Variants in RAB27A observed in about 807,000 individuals in gnomAD.
RAB27A encodes RAB27A, member RAS oncogene family.
A neutral mutation model predicts 20.8 loss-of-function variants in RAB27A; 17 were observed. The ratio of observed to expected loss-of-function variants is 0.82; its 90% confidence interval spans 0.56 to 1.23. The LOEUF is 1.23. RAB27A is among the 50% of genes most tolerant of loss of function. The pLI, the probability that RAB27A is intolerant of heterozygous loss-of-function variation, is 0.00. For missense variants in RAB27A, 277 were observed against 266.7 expected (o/e 1.04, Z -0.27); for synonymous variants, 85 against 92.8 (o/e 0.92, Z 0.48).
At chr15:55,255,753 T>C (rs1206018407) in intron 2 of RAB27A, among the ~76,000 whole-genome samples, 1 of 152,180 alleles carries the variant, frequency 6.6e-6, no homozygotes, top group African/African-American at 2.4e-5. Flanking sequence ...AACTGCTCCC[T>C]TCAAGAAGTT....
chr15:55,267,657 G>A (rs1178139579), intron 2 of RAB27A, among the ~76,000 whole-genome samples: 1 of 152,170 alleles, frequency 6.6e-6, no homozygotes, highest in Admixed American at 6.5e-5. Context: ...CTGAGCTCTG[G>A]CTCTAAATCA....
intron 2 of RAB27A, among the ~76,000 whole-genome samples, chr15:55,258,471 G>A (rs112684004): frequency 0.014 from 2,153 of 152,272 alleles, 59 homozygotes; most frequent in African/African-American, 0.05. Context: ...CCACCCTGAG[G>A]GACAAAGGGT....
rs370476267 is a variant in RAB27A at position 55,265,586 on chromosome 15, A to G, written c.-23+4579T>C. On this transcript the variant is annotated intron_variant, in intron 2 of 6. Coordinates refer to ENST00000336787, the MANE Select transcript of RAB27A (RefSeq NM_183235.3). ...ATAATTCTTGATGCCAATCCAAAACATGTAACTGAGTTTTGATGGAATTTG... is the reference window on the plus strand; with the variant it reads ...ATAATTCTTGATGCCAATCCAAAACGTGTAACTGAGTTTTGATGGAATTTG... 3.3e-5 allele frequency among the ~76,000 whole-genome samples: 5 copies of G among 152,008 alleles called. No individual in the cohort carries two copies. In the South Asian group the frequency reaches 1.0e-3, roughly 32 times the overall value.
chr15:55,261,144 A>AT (rs1897253847), intron 2 of RAB27A, among the ~76,000 whole-genome samples: 2 of 152,138 alleles, frequency 1.3e-5, no homozygotes, highest in South Asian at 4.1e-4. Context: ...GTGGCCTGTA[A>AT]TCCCAGCACT....
At chr15:55,270,764 G>A (rs774118385) in intron 1 of RAB27A, 1 of 152,202 alleles carries the variant, frequency 6.6e-6, no homozygotes, top group Non-Finnish European at 1.5e-5. Context: ...ACCAGACCTT[G>A]CAGCTGGCCT....
At chr15:55,220,547 A>C (rs548333251) in intron 6 of RAB27A, among the ~76,000 whole-genome samples, 139 of 152,336 alleles carry the variant, frequency 9.1e-4, no homozygotes, top group African/African-American at 3.2e-3. Flanking sequence ...CTGGCATTGC[A>C]GGTATGAGCC....
rs182849552 is a variant in RAB27A at position 55,205,613 on chromosome 15, C to T, written c.560G>A (p.Arg187Gln). The part of the protein sequence containing the change: ...LLDLIMKRME[R>Q]CVDKSWIPEG... ...AGGAATCCAGGACTTGTCCACACACCGTTCCATTCGCTTCATTATCAGGTC... is the reference window on the plus strand; with the variant it reads ...AGGAATCCAGGACTTGTCCACACACTGTTCCATTCGCTTCATTATCAGGTC... The change falls in exon 7 of 7, where the codon CGG (arginine) becomes CAG (glutamine). Residue 187 changes from arginine (R) to glutamine (Q), a missense_variant. Coordinates refer to ENST00000336787, the MANE Select transcript of RAB27A (RefSeq NM_183235.3). The T allele has an allele frequency of 1.6e-4, 263 of 1,614,146 alleles. 1 individual carries two copies. The East Asian group carries it at 3.1e-3, about 19-fold the overall frequency.
intron 2 of RAB27A, chr15:55,259,885 A>C (rs1897212706): frequency 6.6e-6 from 1 of 152,182 alleles, no homozygotes; most frequent in Admixed American, 6.5e-5. Flanking sequence ...TATGACCCTA[A>C]AATATAACTT....
At chr15:55,253,229 C>T (rs1896959245) in intron 2 of RAB27A, among the ~76,000 whole-genome samples, 1 of 151,624 alleles carries the variant, frequency 6.6e-6, no homozygotes. Flanking sequence ...TGACAGATCA[C>T]CTGAGGTCAG....
Position 55,268,567 on chromosome 15 carries a change from T to C in RAB27A, c.-23+1598A>G, listed in dbSNP as rs1897591265. Among the ~76,000 whole-genome samples the C allele has an allele frequency of 2.0e-5, 3 of 152,138 alleles. No homozygotes were observed. In the South Asian group the frequency reaches 6.2e-4, roughly 32 times the overall value. On this transcript the variant is annotated intron_variant, in intron 2 of 6. Transcript: ENST00000336787. The stretch of plus-strand genomic sequence containing the variant: ...TTGTGCTCCCAGGGACACACAAGTG[T>C]GAGAGTGGCTACAACTCAATGGAAG...
chr15:55,244,186 T>G (rs1595710012), intron 2 of RAB27A, among the ~76,000 whole-genome samples: 1 of 151,868 alleles, frequency 6.6e-6, no homozygotes, highest in Admixed American at 6.6e-5. Flanking sequence ...TGGTGATGGG[T>G]GCCTGTAATC....
chr15:55,208,679 C>A (rs1034295895), intron 6 of RAB27A, among the ~76,000 whole-genome samples: 5 of 151,842 alleles, frequency 3.3e-5, no homozygotes, highest in Non-Finnish European at 7.4e-5. Context: ...GACTTTCCCT[C>A]GTGTCTCATT....
chr15:55,305,951 G>A (rs2054994888), intron 2 of RAB27A, among the ~76,000 whole-genome samples: 1 of 152,166 alleles, frequency 6.6e-6, no homozygotes, highest in African/African-American at 2.4e-5. Context: ...TTGTTGCAGG[G>A]GTTAGGTATG....
intron 2 of RAB27A, among the ~76,000 whole-genome samples, chr15:55,257,644 C>T (rs188627976): frequency 2.0e-3 from 312 of 152,320 alleles, no homozygotes; most frequent in Middle Eastern, 6.8e-3. Context: ...TCCTCAGATT[C>T]CAAACTTAGG....
At chr15:55,218,576 T>A (rs909191371) in intron 6 of RAB27A, among the ~76,000 whole-genome samples, 2 of 152,198 alleles carry the variant, frequency 1.3e-5, no homozygotes, top group Non-Finnish European at 2.9e-5. Context: ...TTATTAATGT[T>A]GTAAATAAAT....
intron 2 of RAB27A, among the ~76,000 whole-genome samples, chr15:55,302,606 C>T (rs1359202869): frequency 7.7e-6 from 1 of 129,170 alleles, no homozygotes; most frequent in Non-Finnish European, 1.6e-5. Flanking sequence ...TCCGCCCGGC[C>T]ACCATCCCAT....
intron 6 of RAB27A, among the ~76,000 whole-genome samples, chr15:55,215,122 T>A (rs1403804387): frequency 4.6e-5 from 7 of 152,198 alleles, no homozygotes. Flanking sequence ...TAAGCTTTTT[T>A]AAAATGCTAA....
At chr15:55,206,372 G>C in intron 6 of RAB27A, 1 of 507,610 alleles carries the variant, frequency 2.0e-6, no homozygotes, top group Non-Finnish European at 2.5e-6. Context: ...TTTTTGTTTT[G>C]AGACAGAGTC....
intron 2 of RAB27A, chr15:55,238,060 A>G (rs1896332067): frequency 6.6e-6 from 1 of 152,198 alleles, no homozygotes; most frequent in Admixed American, 6.5e-5. Context: ...AGGGACTGTT[A>G]ACAAACCAAA....
Sources: gnomAD v4.1 joint callset for allele counts (sites outside exome capture counted in the v4.1 genomes callset) on GRCh38, gnomAD v4.1.1 for gene constraint, MANE v1.5 for transcripts, NCBI Gene and HGNC (gene_info 2026-07-23, HGNC 2026-07-21) for gene names.